The following ADCY2 variants were observed in gnomAD, a reference collection of about 807,000 sequenced individuals.
ADCY2 encodes adenylate cyclase 2.
Under a neutral mutation model 125.2 loss-of-function variants are expected in ADCY2, and 31 were observed. That is an observed-to-expected ratio of 0.25 (90% CI 0.19 to 0.33). The LOEUF is 0.33. ADCY2 is among the 10% of genes least tolerant of loss of function. ADCY2 has a pLI of 1.00. For missense variants in ADCY2, 904 were observed against 1,418.2 expected, an observed-to-expected ratio of 0.64 and a Z score of 5.82; for synonymous variants, 512 against 548.4, an observed-to-expected ratio of 0.93 and a Z score of 0.93.
chr5:7,751,990 T>A (rs1242728998), intron 15 of ADCY2, among the ~76,000 whole-genome samples: 1 of 152,184 alleles, frequency 6.6e-6, no homozygotes, highest in African/African-American at 2.4e-5. Context: ...TACTGGCCTC[T>A]GGGAAAACAG....
intron 4 of ADCY2, chr5:7,654,001 C>T: frequency 2.2e-6 from 1 of 449,008 alleles, no homozygotes. Context: ...CCAGTGGAGC[C>T]ACACGTCTAG....
chr5:7,747,119 T>A (rs1428587868), intron 15 of ADCY2, among the ~76,000 whole-genome samples: 3 of 152,206 alleles, frequency 2.0e-5, no homozygotes, highest in Non-Finnish European at 4.4e-5. Context: ...CTCGCCTCCA[T>A]CGGCCCCTTC....
In ADCY2 at chr5:7,743,525, T is replaced by C. The variant is rs1742505771; in HGVS notation, c.1872-143T>C. 5 of 735,312 alleles carry C rather than the reference T, an allele frequency of 6.8e-6. No individual in the cohort carries two copies. In the Admixed American group the frequency reaches 9.3e-5, roughly 14 times the overall value. The allele number at this position is 735,312 out of a possible 1,614,324, so 45.5% of individuals were successfully genotyped here. On this transcript the variant is annotated intron_variant, in intron 14 of 24. Transcript: ENST00000338316. ...ATGGACATGTATGTGGCATTTTAGCTCCATTTTTATTTCTCAAAAATTTAG... is the reference window on the plus strand; with the variant it reads ...ATGGACATGTATGTGGCATTTTAGCCCCATTTTTATTTCTCAAAAATTTAG...
Position 7,802,949 on chromosome 5 carries a change from C to T in ADCY2, c.2775+585C>T, listed in dbSNP as rs557820011. Among the ~76,000 whole-genome samples, 1 of 152,274 alleles carries T rather than the reference C, an allele frequency of 6.6e-6. No homozygotes were observed. The highest frequency in any genetic ancestry group is 2.1e-4 in the South Asian group (1 of 4,818). ...CCCTCTGGTTTAAGGATATTGCAGC[C>T]ACACTATTCTTATCACTATCTTGCA... On this transcript the variant is annotated intron_variant, in intron 21 of 24. Transcript: ENST00000338316. This position sits in a 1 kb window ranked among gnomAD's most constrained non-coding sequence, Gnocchi z 4.6.
chr5:7,790,323 T>C (rs943478087), intron 20 of ADCY2, among the ~76,000 whole-genome samples: 4 of 152,234 alleles, frequency 2.6e-5, no homozygotes, highest in African/African-American at 7.2e-5. Context: ...TTAGGAGTTA[T>C]CTACACAAGA....
intron 4 of ADCY2, chr5:7,653,998 A>G (rs1324828834): frequency 4.4e-6 from 2 of 449,636 alleles, no homozygotes; most frequent in African/African-American, 4.0e-5. Context: ...AGACCAGTGG[A>G]GCCACACGTC....
rs148868577 is a variant in ADCY2 at position 7,622,641 on chromosome 5, G to A, written c.571-3526G>A. Among the ~76,000 whole-genome samples, 1,113 of 152,336 alleles carry A rather than the reference G, an allele frequency of 7.3e-3. 9 individuals are homozygous for A. The highest frequency in any genetic ancestry group is 0.025 in the African/African-American group (1,048 of 41,566). On this transcript the variant is annotated intron_variant, in intron 3 of 24. Transcript: ENST00000338316. ...GGCAGTGCAAGTGTGCCAGTAGAATGTGGCAGTTGGAGAGCATTGGCTGGA... is the reference window on the plus strand; with the variant it reads ...GGCAGTGCAAGTGTGCCAGTAGAATATGGCAGTTGGAGAGCATTGGCTGGA...
chr5:7,805,059 T>C (rs1744714650), intron 22 of ADCY2, among the ~76,000 whole-genome samples: 1 of 152,050 alleles, frequency 6.6e-6, no homozygotes, highest in Admixed American at 6.5e-5. Context: ...CTCACGTCTG[T>C]AATCCCAGCA....
At chr5:7,563,115 G>T (rs1322169686) in intron 3 of ADCY2, among the ~76,000 whole-genome samples, 1 of 152,130 alleles carries the variant, frequency 6.6e-6, no homozygotes, top group Non-Finnish European at 1.5e-5. Context: ...TGAAAGAGGT[G>T]ATCTCTGATA....
intron 3 of ADCY2, among the ~76,000 whole-genome samples, chr5:7,578,949 C>T (rs1736337686): frequency 6.6e-6 from 1 of 152,164 alleles, no homozygotes; most frequent in Admixed American, 6.5e-5. Flanking sequence ...CAGAGATGGA[C>T]TCCACGTAAG....
intron 3 of ADCY2, among the ~76,000 whole-genome samples, chr5:7,544,503 C>G (rs76604304): frequency 2.8e-4 from 43 of 152,280 alleles, no homozygotes; most frequent in African/African-American, 9.9e-4. Flanking sequence ...CTCCATCTTA[C>G]GAGAACCCCT....
chr5:7,468,084 A>C (rs78424959), intron 2 of ADCY2, among the ~76,000 whole-genome samples: 2,931 of 152,318 alleles, frequency 0.019, 94 homozygotes, highest in African/African-American at 0.065. Flanking sequence ...AGACTGTTAT[A>C]GTTGTCCTTC....
chr5:7,658,932 A>C (rs987178645), intron 4 of ADCY2, among the ~76,000 whole-genome samples: 10 of 152,206 alleles, frequency 6.6e-5, no homozygotes, highest in African/African-American at 2.4e-4. Context: ...TCACCAATTT[A>C]AATGCTCATT....
Position 7,411,029 on chromosome 5 carries a change from C to T in ADCY2, c.211-3544C>T, listed in dbSNP as rs115405454. 3.8e-3 allele frequency among the ~76,000 whole-genome samples: 573 copies of T among 152,224 alleles called. 3 individuals are homozygous for T. The highest frequency in any genetic ancestry group is 0.013 in the African/African-American group (531 of 41,536). On this transcript the variant is annotated intron_variant, in intron 1 of 24. Coordinates refer to ENST00000338316, the MANE Select transcript of ADCY2 (RefSeq NM_020546.3). ...TAAGAAAAATGCATGATGCAGGCAG[C>T]GAGGCCAGGGAAGACTGTGGCCTGT...
At chr5:7,483,079 G>A (rs1742797626) in intron 2 of ADCY2, among the ~76,000 whole-genome samples, 1 of 151,908 alleles carries the variant, frequency 6.6e-6, no homozygotes, top group Non-Finnish European at 1.5e-5. Context: ...TAGATACAAG[G>A]AATAAGCTCT....
At chr5:7,666,837 A>C (rs1387454941) in intron 4 of ADCY2, among the ~76,000 whole-genome samples, 2 of 152,116 alleles carry the variant, frequency 1.3e-5, no homozygotes, top group African/African-American at 4.8e-5. Flanking sequence ...ATTCCCTAGC[A>C]GTTGGTCTTC....
chr5:7,802,057 C>T lies in ADCY2; in HGVS notation c.2629-161C>T, dbSNP rs551396684. ...ATTAGAAGCTTTCCCCTGAGAGCAG[C>T]GGCAGCATCTGGATTGGGCCGCGGC... On this transcript the variant is annotated intron_variant, in intron 20 of 24. Transcript: ENST00000338316. The surrounding 1 kb of genome is among the most constrained non-coding windows in gnomAD (Gnocchi z 4.6). 1.1e-4 allele frequency: 74 copies of T among 686,026 alleles called. 4 individuals are homozygous for T. The highest frequency in any genetic ancestry group is 9.6e-4 in the South Asian group (47 of 48,964). The allele number at this position is 686,026 out of a possible 1,614,324, so 42.5% of individuals were successfully genotyped here.
chr5:7,511,881 T>A (rs1199676504), intron 2 of ADCY2, among the ~76,000 whole-genome samples: 1 of 151,916 alleles, frequency 6.6e-6, no homozygotes, highest in Non-Finnish European at 1.5e-5. Context: ...TGAGAGACCC[T>A]TATTGGCATG....
intron 16 of ADCY2, among the ~76,000 whole-genome samples, chr5:7,761,652 T>C (rs1165706530): frequency 6.6e-6 from 1 of 152,212 alleles, no homozygotes; most frequent in Non-Finnish European, 1.5e-5. Context: ...AACGATTTCT[T>C]TTCGTAACAT....
Sources: allele counts gnomAD v4.1 joint callset (sites outside exome capture counted in the v4.1 genomes callset), GRCh38; gene constraint gnomAD v4.1.1; non-coding constraint Gnocchi (gnomAD v3.1); transcripts MANE v1.5; gene names NCBI Gene and HGNC (gene_info 2026-07-23, HGNC 2026-07-21).